Variants in APBA1 observed in about 807,000 individuals in gnomAD.
The protein encoded by APBA1 is amyloid beta precursor protein binding family A member 1.
APBA1 carries 55 observed loss-of-function variants against 86.6 expected under a neutral mutation model. The ratio of observed to expected loss-of-function variants is 0.64; its 90% CI spans 0.51 to 0.80. The LOEUF (loss-of-function observed/expected upper bound fraction) is 0.80. Ranked by LOEUF, APBA1 falls within the 30% of genes least tolerant of loss-of-function variation. The pLI, the probability that APBA1 is intolerant of heterozygous loss-of-function variation, is 0.00. For missense variants in APBA1, 1,090 were observed against 1,183.0 expected (o/e 0.92, Z 1.15); for synonymous variants, 511 against 493.9 (o/e 1.03, Z -0.46).
At chr9:69,497,730 CTTTTT>C (rs1835822118) in intron 2 of APBA1, among the ~76,000 whole-genome samples, 1 of 152,130 alleles carries the variant, frequency 6.6e-6, no homozygotes, top group African/African-American at 2.4e-5. Flanking sequence ...CTAGTCCCAG[CTTTTT>C]CTGACATAGC....
intron 1 of APBA1, among the ~76,000 whole-genome samples, chr9:69,667,401 T>G (rs1420173484): frequency 6.6e-6 from 1 of 152,042 alleles, no homozygotes; most frequent in South Asian, 2.1e-4. Context: ...TCACTCCTAA[T>G]TGACTCACTG....
rs71500368 is a variant in APBA1, at chr9:69,541,251, ACCC to A, written c.-69-23975_-69-23973del. Among the ~76,000 whole-genome samples the A allele has an allele frequency of 4.1e-3, 499 of 122,696 alleles. 2 individuals are homozygous for A. Among genetic ancestry groups the A allele is most frequent in the Non-Finnish European group, 6.4e-3 (369 of 57,914 alleles). The allele number at this position is 122,696 out of a possible 152,430, so 80.5% of individuals were successfully genotyped here. A position where few individuals can be genotyped will look rare whatever the true frequency, so the allele number is the denominator to read the frequency against. ...AGTTCTATTTTTAATTGTTTTAGGG[ACCC>A]CCCCCCCCATTCTGTTTTCTATATC... is the stretch of plus-strand genomic sequence containing the variant. On this transcript the variant is annotated intron_variant, in intron 1 of 12. Transcript: ENST00000265381.
At chr9:69,540,122 G>GCAACAACAACAA (rs56405500) in intron 1 of APBA1, among the ~76,000 whole-genome samples, 36,313 of 148,350 alleles carry the variant, frequency 0.24, 5,172 homozygotes, top group Middle Eastern at 0.32. Context: ...CTCCATCTCG[G>GCAACAACAACAA]CAACAACAAC....
chr9:69,457,223 A>G, intron 6 of APBA1, 84 bp from the exon 7 acceptor site: 2 of 1,006,158 alleles, frequency 2.0e-6, no homozygotes, highest in Non-Finnish European at 3.2e-6. Context: ...GCTCACACAG[A>G]GGCACCACGA....
chr9:69,565,838 C>A lies in APBA1; in HGVS notation c.-69-48559G>T, dbSNP rs543457392. On this transcript the variant is annotated intron_variant, in intron 1 of 12. Transcript: ENST00000265381. Reference sequence around the variant, plus strand: ...TTTGCTTTTTTCTCAGAATATTCTGCACTCTGCAGCCAGAGTGATCTTTCT... The same window carrying A: ...TTTGCTTTTTTCTCAGAATATTCTGAACTCTGCAGCCAGAGTGATCTTTCT... Among the ~76,000 whole-genome samples the A allele has an allele frequency of 2.3e-3, 351 of 152,336 alleles. 1 individual carries two copies. Among genetic ancestry groups the A allele is most frequent in the African/African-American group, 8.2e-3 (340 of 41,574 alleles).
rs1167095547 is a variant in APBA1 at position 69,516,640 on chromosome 9, C to A, written c.571G>T (p.Gly191Cys). The change falls in exon 2 of 13, where the codon GGC (glycine) becomes TGC (cysteine). Residue 191 changes from glycine (G) to cysteine (C), a missense_variant. By Grantham distance (159) the Gly-to-Cys change is radical (BLOSUM62 -3). Transcript: ENST00000265381. The surrounding 1 kb of genome is among the most constrained non-coding windows in gnomAD (Gnocchi z 7.3). ...TCGTACACGTGCTCCTGGAGGCCGC[C>A]GTAGTCGGCATAGGGCTCGGAGTAG... ...EPYSEPYADY[G>C]GLQEHVYEEI... 6.2e-7 allele frequency: 1 copy of A among 1,608,446 alleles called. No homozygotes were observed. Among genetic ancestry groups the A allele is most frequent in the Non-Finnish European group, 8.5e-7 (1 of 1,179,150 alleles).
chr9:69,536,283 TG>T (rs1836509013), intron 1 of APBA1, among the ~76,000 whole-genome samples: 1 of 151,014 alleles, frequency 6.6e-6, no homozygotes, highest in African/African-American at 2.4e-5. Flanking sequence ...GCAGTACACA[TG>T]AAAAAACAAG....
chr9:69,659,845 T>C (rs1414505873), intron 1 of APBA1, among the ~76,000 whole-genome samples: 1 of 152,220 alleles, frequency 6.6e-6, no homozygotes, highest in Non-Finnish European at 1.5e-5. Flanking sequence ...CTCTTCCAGG[T>C]TATGGAAAAT....
intron 2 of APBA1, among the ~76,000 whole-genome samples, chr9:69,484,040 T>C (rs1835567924): frequency 6.6e-6 from 1 of 152,200 alleles, no homozygotes; most frequent in African/African-American, 2.4e-5. Flanking sequence ...ATTCTATTTT[T>C]TCCCCCAAGT....
At chr9:69,640,235 T>G (rs148112480) in intron 1 of APBA1, among the ~76,000 whole-genome samples, 2 of 152,256 alleles carry the variant, frequency 1.3e-5, no homozygotes, top group Admixed American at 1.3e-4. Context: ...AAAATGTTGC[T>G]TTAAAACTTA....
intron 1 of APBA1, among the ~76,000 whole-genome samples, chr9:69,535,382 T>C (rs1170771082): frequency 6.6e-6 from 1 of 152,228 alleles, no homozygotes; most frequent in East Asian, 1.9e-4. Flanking sequence ...GGTACTAACC[T>C]AACTCCTATC....
chr9:69,663,249 A>T (rs1823785747), intron 1 of APBA1, among the ~76,000 whole-genome samples: 2 of 152,224 alleles, frequency 1.3e-5, no homozygotes, highest in Non-Finnish European at 2.9e-5. Flanking sequence ...TGTTTCAGTG[A>T]TGTATGTGTG....
At chr9:69,664,763 A>G (rs1348263064) in intron 1 of APBA1, among the ~76,000 whole-genome samples, 1 of 152,226 alleles carries the variant, frequency 6.6e-6, no homozygotes, top group East Asian at 1.9e-4. Context: ...GCCACCCTAT[A>G]ACAGAGCGTA....
intron 2 of APBA1, among the ~76,000 whole-genome samples, chr9:69,497,482 G>T (rs1835817620): frequency 6.6e-6 from 1 of 152,154 alleles, no homozygotes; most frequent in Non-Finnish European, 1.5e-5. Flanking sequence ...GGCTGCACAA[G>T]GGTTGAAGAC....
At chr9:69,450,345 A>G (rs928454074) in intron 9 of APBA1, among the ~76,000 whole-genome samples, 9 of 152,182 alleles carry the variant, frequency 5.9e-5, no homozygotes, top group African/African-American at 2.2e-4. Flanking sequence ...GCACACAGGA[A>G]GTGCATATCC....
At position 69,560,691 on chromosome 9, in the gene APBA1, G is replaced by T. The variant is rs78979410; in HGVS notation, c.-69-43412C>A. 3.0e-3 allele frequency among the ~76,000 whole-genome samples: 455 copies of T among 152,208 alleles called. 1 individual carries two copies. The highest frequency in any genetic ancestry group is 0.011 in the African/African-American group (438 of 41,508). On this transcript the variant is annotated intron_variant, in intron 1 of 12. Transcript: ENST00000265381. ...AATGCTTGAGACCAGCAGTGTTTGG[G>T]ATCTTAAATTTTTTCAGATTTTGAA...
At chr9:69,600,421 T>C (rs1270444071) in intron 1 of APBA1, among the ~76,000 whole-genome samples, 1 of 152,194 alleles carries the variant, frequency 6.6e-6, no homozygotes, top group East Asian at 1.9e-4. Flanking sequence ...AAGCTCTTTA[T>C]GAGAAAGCAG....
At chr9:69,481,759 G>T (rs896756618) in intron 2 of APBA1, among the ~76,000 whole-genome samples, 1 of 150,642 alleles carries the variant, frequency 6.6e-6, no homozygotes, top group Non-Finnish European at 1.5e-5. Flanking sequence ...CATGGTACTG[G>T]TACCAAAACA....
intron 1 of APBA1, among the ~76,000 whole-genome samples, chr9:69,569,278 T>C (rs1483669683): frequency 6.6e-6 from 1 of 152,220 alleles, no homozygotes; most frequent in Non-Finnish European, 1.5e-5. Flanking sequence ...AAAGAAGTGA[T>C]TTTCACGTAA....
Sources: gnomAD v4.1 joint callset for allele counts (sites outside exome capture counted in the v4.1 genomes callset) on GRCh38, gnomAD v4.1.1 for gene constraint, Gnocchi (gnomAD v3.1) non-coding constraint, MANE v1.5 for transcripts, NCBI Gene and HGNC (gene_info 2026-07-23, HGNC 2026-07-21) for gene names.